Variants in DNAI4 observed in about 807,000 individuals in gnomAD.
DNAI4 encodes dynein axonemal intermediate chain 4.
Under a neutral mutation model 105.8 loss-of-function variants are expected in DNAI4, and 85 were observed. The ratio of observed to expected loss-of-function variants is 0.80; its 90% CI spans 0.67 to 0.96. The LOEUF (loss-of-function observed/expected upper bound fraction) is 0.96. Among genes scored for constraint, DNAI4 ranks in the 40% least tolerant of loss-of-function variants. DNAI4 has a pLI of 0.00. For synonymous variants in DNAI4, 352 were observed against 331.5 expected (o/e 1.06, Z -0.67); for missense variants, 1,014 against 1,005.6 (o/e 1.01, Z -0.11).
Position 66,814,196 on chromosome 1 carries a change from C to T in DNAI4, c.2497-16G>A. 1 of 1,570,976 alleles carries T rather than the reference C, an allele frequency of 6.4e-7. No individual in the cohort carries two copies. Among genetic ancestry groups the T allele is most frequent in the Non-Finnish European group, 8.6e-7 (1 of 1,166,224 alleles). ...TTATATCTCCCTGAAAAAAAAAAGT[C>T]ACACAATTACAATGCAATAAAATGC... On this transcript the variant is annotated splice_polypyrimidine_tract_variant and intron_variant, in intron 16 of 16. Coordinates refer to ENST00000371026, the MANE Select transcript of DNAI4 (RefSeq NM_024763.5).
rs1645772706 is a variant in DNAI4, at chr1:66,827,129, G to T, written c.2113-83C>A. The T allele has an allele frequency of 4.2e-6, 5 of 1,201,522 alleles. No individual in the cohort carries two copies. In the Admixed American group the frequency reaches 1.2e-4, roughly 30 times the overall value. 74.4% of individuals were successfully genotyped at this position (1,201,522 alleles called of 1,614,324 possible). A position where few individuals can be genotyped will look rare whatever the true frequency, so the allele number is the denominator to read the frequency against. ...TTGACCAGCAAATTAAAAATGCTAA[G>T]ATTTCTAGATTTTCACACTATTCAT... On this transcript the variant is annotated intron_variant, in intron 14 of 16. Transcript: ENST00000371026.
In DNAI4 at chr1:66,826,977, C is replaced by T; in HGVS notation, c.2182G>A (p.Gly728Ser). Residue 728 changes from glycine (G) to serine (S), a missense_variant, in exon 15 of 17, where the codon GGT (glycine) becomes AGT (serine). Gly to Ser is a moderately conservative substitution (Grantham distance 56, BLOSUM62 0). Transcript: ENST00000371026. ...DVFLSCSADW[G>S]VIIWQQENVK... Reference sequence around the variant, plus strand: ...TTCTCCTGTTGCCATATAATAACACCCCAATCTGCAGAACAGCTTAAAAAT... The same window carrying T: ...TTCTCCTGTTGCCATATAATAACACTCCAATCTGCAGAACAGCTTAAAAAT... 1 of 1,613,960 alleles carries T rather than the reference C, an allele frequency of 6.2e-7. No homozygotes were observed. The highest frequency in any genetic ancestry group is 8.5e-7 in the Non-Finnish European group (1 of 1,179,976).
chr1:66,830,071 G>A (rs185683432), intron 13 of DNAI4, among the ~76,000 whole-genome samples: 133 of 151,912 alleles, frequency 8.8e-4, no homozygotes, highest in African/African-American at 3.1e-3. Context: ...GCAATACTTA[G>A]GGAAAAATTA....
intron 1 of DNAI4, among the ~76,000 whole-genome samples, chr1:66,914,849 A>G (rs1256202283): frequency 6.6e-6 from 1 of 152,202 alleles, no homozygotes; most frequent in Non-Finnish European, 1.5e-5. Context: ...ATTGGCTTAA[A>G]AATAAAAGCA....
rs1646457917 is a variant in DNAI4 at position 66,854,422 on chromosome 1, T to C, written c.1097-6744A>G. Reference sequence around the variant, plus strand: ...AAACAAACAAAATACTATATACAATTGCTTAAAAAAAAACTTAGGTGTAAA... The same window carrying C: ...AAACAAACAAAATACTATATACAATCGCTTAAAAAAAAACTTAGGTGTAAA... On this transcript the variant is annotated intron_variant, in intron 7 of 16. Coordinates refer to ENST00000371026, the MANE Select transcript of DNAI4 (RefSeq NM_024763.5). Among the ~76,000 whole-genome samples the C allele has an allele frequency of 2.0e-5, 3 of 151,884 alleles. No homozygotes were observed. In the South Asian group the frequency reaches 6.2e-4, roughly 32 times the overall value.
intron 7 of DNAI4, among the ~76,000 whole-genome samples, chr1:66,856,252 G>A (rs1172085946): frequency 2.6e-5 from 4 of 151,602 alleles, no homozygotes; most frequent in Admixed American, 6.6e-5. Context: ...GGCAGATCAC[G>A]AGGTCAGGAG....
intron 4 of DNAI4, among the ~76,000 whole-genome samples, chr1:66,878,095 T>C (rs919948398): frequency 3.3e-5 from 5 of 152,168 alleles, no homozygotes; most frequent in Non-Finnish European, 7.4e-5. Flanking sequence ...ATCCACCTTC[T>C]TGAGGGAAGA....
In DNAI4 at chr1:66,893,351, A is replaced by G. The variant is rs375911491; in HGVS notation, c.408T>C (p.Thr136=). The G allele has an allele frequency of 2.5e-5, 40 of 1,607,462 alleles. No homozygotes were observed. The highest frequency in any genetic ancestry group is 3.1e-5 in the Non-Finnish European group (36 of 1,176,878). ...AGAGTTTACTTGGTTTTGCTGTACC[A>G]GTAAGTGGATCTGGATGGTAAAGAG... ...PRPLYHPDPL[T]GTAKPSKLLT... The change falls in exon 3 of 17, where the codon ACT becomes ACC. Residue 136 remains threonine, a synonymous_variant. Transcript: ENST00000371026.
At chr1:66,893,863 T>C (rs2100782340) in intron 2 of DNAI4, among the ~76,000 whole-genome samples, 1 of 152,294 alleles carries the variant, frequency 6.6e-6, no homozygotes, top group East Asian at 1.9e-4. Flanking sequence ...ATGACAGTGG[T>C]ACCATAACAT....
At chr1:66,854,030 C>T (rs902595115) in intron 7 of DNAI4, among the ~76,000 whole-genome samples, 4 of 152,176 alleles carry the variant, frequency 2.6e-5, no homozygotes, top group Non-Finnish European at 1.5e-5. Context: ...TCACCACATA[C>T]AAGAAAAACA....
At chr1:66,856,297 G>A (rs924297677) in intron 7 of DNAI4, among the ~76,000 whole-genome samples, 2 of 150,164 alleles carry the variant, frequency 1.3e-5, no homozygotes, top group South Asian at 2.1e-4. Context: ...GTGAAACCCC[G>A]TCTCTACTAA....
chr1:66,889,443 C>T (rs552351019), intron 4 of DNAI4, among the ~76,000 whole-genome samples: 27 of 151,896 alleles, frequency 1.8e-4, no homozygotes, highest in Non-Finnish European at 3.4e-4. Flanking sequence ...GCAGAACGGC[C>T]AATCCAAATT....
At chr1:66,859,496 A>G (rs773699496) in intron 7 of DNAI4, among the ~76,000 whole-genome samples, 1 of 152,186 alleles carries the variant, frequency 6.6e-6, no homozygotes, top group African/African-American at 2.4e-5. Context: ...AAACCTGCAC[A>G]TGAATGTTTA....
chr1:66,842,537 C>T (rs1646172207), intron 8 of DNAI4, among the ~76,000 whole-genome samples: 1 of 152,016 alleles, frequency 6.6e-6, no homozygotes, highest in Non-Finnish European at 1.5e-5. Flanking sequence ...ACTACAGGCG[C>T]CTGCCACCAT....
At chr1:66,882,721 G>T (rs1321938062) in intron 4 of DNAI4, among the ~76,000 whole-genome samples, 1 of 151,764 alleles carries the variant, frequency 6.6e-6, no homozygotes, top group Non-Finnish European at 1.5e-5. Context: ...CTTGAAATCA[G>T]GTAATGTGAG....
intron 1 of DNAI4, among the ~76,000 whole-genome samples, chr1:66,907,239 C>A (rs1649325840): frequency 6.6e-6 from 1 of 152,202 alleles, no homozygotes; most frequent in Non-Finnish European, 1.5e-5. Flanking sequence ...AAATTGACTT[C>A]TCAGATTCGT....
At chr1:66,882,171 T>G (rs1647087495) in intron 4 of DNAI4, among the ~76,000 whole-genome samples, 3 of 152,326 alleles carry the variant, frequency 2.0e-5, no homozygotes, top group Admixed American at 6.5e-5. Flanking sequence ...CAGTTGGGTT[T>G]TTTTTACTGT....
At chr1:66,893,007 G>GAGAGAGGAAAGAAAGAAAGAA (rs1647864534) in intron 3 of DNAI4, among the ~76,000 whole-genome samples, 1 of 104,842 alleles carries the variant, frequency 9.5e-6, no homozygotes, top group Non-Finnish European at 2.0e-5. Context: ...GAGAGAAAGA[G>GAGAGAGGAAAGAAAGAAAGAA]AGAGAGGAAA....
intron 8 of DNAI4, among the ~76,000 whole-genome samples, chr1:66,843,222 TGGG>T (rs1483624917): frequency 0.012 from 270 of 21,904 alleles, no homozygotes; most frequent in African/African-American, 0.04. Context: ...AGGTGGGGGG[TGGG>T]GGGGAGGAGG....
Sources: gnomAD v4.1 joint callset for allele counts (sites outside exome capture counted in the v4.1 genomes callset) on GRCh38, gnomAD v4.1.1 for gene constraint, MANE v1.5 for transcripts, NCBI Gene and HGNC (gene_info 2026-07-23, HGNC 2026-07-21) for gene names.